The following SUFU variants were observed in gnomAD, a reference collection of about 807,000 sequenced individuals.
The protein encoded by SUFU is SUFU negative regulator of hedgehog signaling.
Under a neutral mutation model 58.9 loss-of-function variants are expected in SUFU, and 7 were observed. The ratio of observed to expected loss-of-function variants is 0.12; its 90% confidence interval spans 0.07 to 0.22. The LOEUF is 0.22. Among genes scored for constraint, SUFU ranks in the 10% least tolerant of loss-of-function variants. The probability of loss-of-function intolerance (pLI) is 1.00; values close to 1 mark genes in which losing one functional copy is unlikely to be tolerated. For missense variants in SUFU, 451 were observed against 641.3 expected (o/e 0.70, Z 3.20); for synonymous variants, 232 against 254.8 (o/e 0.91, Z 0.85).
intron 3 of SUFU, among the ~76,000 whole-genome samples, chr10:102,564,917 T>C (rs1324513741): frequency 1.3e-5 from 2 of 152,206 alleles, no homozygotes; most frequent in African/African-American, 2.4e-5. Flanking sequence ...AGTTGAAAGA[T>C]TGTGTTCCTA....
intron 2 of SUFU, among the ~76,000 whole-genome samples, chr10:102,521,718 A>T (rs373174555): frequency 6.6e-6 from 1 of 152,216 alleles, no homozygotes; most frequent in South Asian, 2.1e-4. Flanking sequence ...TTGAAGCCCC[A>T]ACCAGATCTC....
intron 3 of SUFU, among the ~76,000 whole-genome samples, chr10:102,589,313 T>C (rs1459001340): frequency 6.6e-6 from 1 of 152,202 alleles, no homozygotes; most frequent in East Asian, 1.9e-4. Context: ...ACAACCTTGC[T>C]GAACTTGTTT....
At chr10:102,575,766 C>T (rs2063206112) in intron 3 of SUFU, among the ~76,000 whole-genome samples, 2 of 152,206 alleles carry the variant, frequency 1.3e-5, no homozygotes, top group African/African-American at 4.8e-5. Flanking sequence ...GTGATGGCTG[C>T]TGGTGCCACA....
intron 1 of SUFU, among the ~76,000 whole-genome samples, chr10:102,505,852 T>C (rs542653786): frequency 2.6e-5 from 4 of 152,046 alleles, no homozygotes; most frequent in Non-Finnish European, 5.9e-5. Context: ...CCATTCTCAT[T>C]GTGCCTTTAT....
chr10:102,571,715 T>G (rs1305408513), intron 3 of SUFU, among the ~76,000 whole-genome samples: 1 of 152,082 alleles, frequency 6.6e-6, no homozygotes, highest in African/African-American at 2.4e-5. Flanking sequence ...AACAAAAAAT[T>G]AGTGGCTTAA....
At chr10:102,599,868 G>A (rs575962912) in intron 8 of SUFU, among the ~76,000 whole-genome samples, 168 of 152,334 alleles carry the variant, frequency 1.1e-3, no homozygotes, top group African/African-American at 3.6e-3. Context: ...TGCTGAGCAC[G>A]GTTCCCTCCT....
intron 8 of SUFU, among the ~76,000 whole-genome samples, chr10:102,603,731 C>G (rs1438158629): frequency 6.6e-6 from 1 of 152,206 alleles, no homozygotes; most frequent in Non-Finnish European, 1.5e-5. Context: ...TACACACACA[C>G]ACATATACAT....
chr10:102,582,588 G>T (rs1564692078), intron 3 of SUFU, among the ~76,000 whole-genome samples: 1 of 152,290 alleles, frequency 6.6e-6, no homozygotes, highest in South Asian at 2.1e-4. Context: ...TCTTGCCCAG[G>T]AGTTGTTTGT....
intron 2 of SUFU, among the ~76,000 whole-genome samples, chr10:102,536,084 T>C (rs1399306370): frequency 3.3e-5 from 5 of 152,062 alleles, no homozygotes. Context: ...TTCTCCTGTC[T>C]CAGCCTCCTA....
Position 102,617,910 on chromosome 10 carries a change from C to T in SUFU, c.1296+482C>T. 3.9e-6 allele frequency: 1 copy of T among 253,822 alleles called. No individual in the cohort carries two copies. Among genetic ancestry groups the T allele is most frequent in the Non-Finnish European group, 7.5e-6 (1 of 132,808 alleles). 15.7% of individuals were successfully genotyped at this position (253,822 alleles called of 1,614,324 possible). Reference sequence around the variant, plus strand: ...GTGGGAAGAGCCTCCCCTTCTTAGCCTACCCCCATCTGACAGCCCTCCCGT... The same window carrying T: ...GTGGGAAGAGCCTCCCCTTCTTAGCTTACCCCCATCTGACAGCCCTCCCGT... On this transcript the variant is annotated intron_variant, in intron 10 of 11. Coordinates refer to ENST00000369902, the MANE Select transcript of SUFU (RefSeq NM_016169.4). This position sits in a 1 kb window ranked among gnomAD's most constrained non-coding sequence, Gnocchi z 4.4.
intron 1 of SUFU, among the ~76,000 whole-genome samples, chr10:102,507,437 T>C (rs1199116042): frequency 2.0e-5 from 3 of 152,238 alleles, no homozygotes; most frequent in African/African-American, 7.2e-5. Flanking sequence ...TCTACTCTTT[T>C]CTTTCTTCCC....
At chr10:102,620,780 G>A (rs1396711935) in intron 10 of SUFU, among the ~76,000 whole-genome samples, 1 of 152,132 alleles carries the variant, frequency 6.6e-6, no homozygotes, top group African/African-American at 2.4e-5. Context: ...TGTCAACACT[G>A]GGCTGTTAGT....
chr10:102,620,815 A>T (rs1356973178), intron 10 of SUFU, among the ~76,000 whole-genome samples: 1 of 152,118 alleles, frequency 6.6e-6, no homozygotes, highest in African/African-American at 2.4e-5. Flanking sequence ...CCCGGCCCAG[A>T]GCTGAGTTGT....
chr10:102,579,513 C>A (rs1401249413), intron 3 of SUFU, among the ~76,000 whole-genome samples: 1 of 152,126 alleles, frequency 6.6e-6, no homozygotes, highest in Non-Finnish European at 1.5e-5. Context: ...TTTATGATTG[C>A]GGCTTTGAGG....
rs938792110 is a variant in SUFU, at chr10:102,541,022, G to GA, written c.318-8938dup. ...GGGTGACAGAGCAAGACTCCATCTC[G>GA]AAAAAAAAAAGTTACTTGGGTTATA... On this transcript the variant is annotated intron_variant, in intron 2 of 11. Coordinates refer to ENST00000369902, the MANE Select transcript of SUFU (RefSeq NM_016169.4). Among the ~76,000 whole-genome samples, 12 of 148,486 alleles carry GA rather than the reference G, an allele frequency of 8.1e-5. No individual in the cohort carries two copies. The South Asian group carries it at 1.3e-3, about 16-fold the overall frequency.
intron 3 of SUFU, among the ~76,000 whole-genome samples, chr10:102,566,514 C>G (rs2063091270): frequency 6.6e-6 from 1 of 151,968 alleles, no homozygotes; most frequent in African/African-American, 2.4e-5. Flanking sequence ...GCCTATAATC[C>G]CAGCACTTTG....
intron 1 of SUFU, among the ~76,000 whole-genome samples, chr10:102,506,717 C>T (rs1156420547): frequency 2.0e-5 from 3 of 152,158 alleles, no homozygotes; most frequent in African/African-American, 7.2e-5. Context: ...GAGGGGTTTG[C>T]AAAAATAAGA....
chr10:102,623,010 A>C (rs2063754784), intron 10 of SUFU, among the ~76,000 whole-genome samples: 1 of 151,046 alleles, frequency 6.6e-6, no homozygotes, highest in South Asian at 2.1e-4. Context: ...AAAAAAAAAA[A>C]AAAAAAGCAT....
Position 102,573,081 on chromosome 10 carries a change from G to A in SUFU, c.455-19501G>A, listed in dbSNP as rs957314017. On this transcript the variant is annotated intron_variant, in intron 3 of 11. Transcript: ENST00000369902. ...TGCCTCCAGAATCGCAGTGTCTTGG[G>A]CCGCTGGAAGGTAGGTGACGTGCGG... 4 of 783,598 alleles carry A rather than the reference G, an allele frequency of 5.1e-6. No homozygotes were observed. The East Asian group carries it at 9.7e-5, about 19-fold the overall frequency. 48.5% of individuals were successfully genotyped at this position (783,598 alleles called of 1,614,324 possible).
Sources: allele counts gnomAD v4.1 joint callset (sites outside exome capture counted in the v4.1 genomes callset), GRCh38; gene constraint gnomAD v4.1.1; non-coding constraint Gnocchi (gnomAD v3.1); transcripts MANE v1.5; gene names NCBI Gene and HGNC (gene_info 2026-07-23, HGNC 2026-07-21).